MUSK: variants seen among roughly 807,000 people sequenced by gnomAD.
MUSK encodes muscle, skeletal receptor tyrosine-protein kinase.
In MUSK, 55 loss-of-function variants were observed where a neutral mutation model predicts 88.7. That is an observed-to-expected ratio of 0.62 (90% confidence interval 0.50 to 0.78). The LOEUF is 0.78. MUSK is among the 30% of genes least tolerant of loss of function. The pLI is 0.00. For synonymous variants in MUSK, 387 were observed against 391.9 expected (o/e 0.99, Z 0.15); for missense variants, 1,015 against 1,074.3 (o/e 0.94, Z 0.77).
chr9:110,709,723 CA>C (rs1214268740), intron 5 of MUSK, among the ~76,000 whole-genome samples: 1 of 152,106 alleles, frequency 6.6e-6, no homozygotes, highest in Admixed American at 6.5e-5. Context: ...AGTCCAATGG[CA>C]AAAACTAAAT....
At chr9:110,788,446 A>G (rs989437366) in intron 14 of MUSK, among the ~76,000 whole-genome samples, 1 of 152,096 alleles carries the variant, frequency 6.6e-6, no homozygotes, top group Non-Finnish European at 1.5e-5. Flanking sequence ...AGCCTGGCGA[A>G]CAAGGTGAAA....
chr9:110,760,000 C>T (rs940266794), intron 7 of MUSK, among the ~76,000 whole-genome samples: 3 of 152,112 alleles, frequency 2.0e-5, no homozygotes, highest in African/African-American at 4.8e-5. Context: ...CACACCACTG[C>T]ACTCCCTCCT....
At chr9:110,732,877 A>G (rs1026950728) in intron 5 of MUSK, among the ~76,000 whole-genome samples, 2 of 152,106 alleles carry the variant, frequency 1.3e-5, no homozygotes, top group African/African-American at 4.8e-5. Flanking sequence ...AATCTGCAAA[A>G]AGCCCCCAAT....
At chr9:110,749,415 T>C (rs2077219727) in intron 7 of MUSK, among the ~76,000 whole-genome samples, 1 of 152,150 alleles carries the variant, frequency 6.6e-6, no homozygotes, top group Admixed American at 6.5e-5. Flanking sequence ...CTTTCAAACC[T>C]GTTCAAAAAA....
intron 2 of MUSK, 60 bp downstream of exon 2, chr9:110,682,860 T>A: frequency 3.4e-6 from 4 of 1,185,748 alleles, no homozygotes; most frequent in Non-Finnish European, 4.7e-6. Context: ...GGTGTATATA[T>A]ATGTATATAT....
chr9:110,771,915 T>C (rs1044889889), intron 9 of MUSK, among the ~76,000 whole-genome samples: 1 of 152,106 alleles, frequency 6.6e-6, no homozygotes, highest in African/African-American at 2.4e-5. Flanking sequence ...CATAAATCAT[T>C]AATCCTTGCC....
intron 5 of MUSK, among the ~76,000 whole-genome samples, chr9:110,732,218 G>T (rs2076974256): frequency 2.6e-5 from 4 of 151,902 alleles, no homozygotes; most frequent in Admixed American, 2.6e-4. Context: ...CGGGCAGTGG[G>T]ATCCATAGAT....
chr9:110,740,694 C>A (rs969385827), intron 6 of MUSK, among the ~76,000 whole-genome samples: 8 of 152,090 alleles, frequency 5.3e-5, no homozygotes, highest in Non-Finnish European at 8.8e-5. Context: ...AGAATGGTAA[C>A]CCTGAGGCAT....
At chr9:110,697,277 T>G in intron 4 of MUSK, 48 bp from the exon 5 acceptor site, 1 of 1,601,108 alleles carries the variant, frequency 6.2e-7, no homozygotes, top group South Asian at 1.1e-5. Flanking sequence ...AAATGTATCC[T>G]TGATAGACCC....
intron 1 of MUSK, among the ~76,000 whole-genome samples, chr9:110,674,429 G>T (rs959620665): frequency 6.6e-6 from 1 of 152,054 alleles, no homozygotes; most frequent in Non-Finnish European, 1.5e-5. Context: ...TTACCAAGTG[G>T]CTCTTGCAAA....
At position 110,781,490 on chromosome 9, in the gene MUSK, A is replaced by G. The variant is rs565537531; in HGVS notation, c.1385-3325A>G. Among the ~76,000 whole-genome samples, 7 of 152,174 alleles carry G rather than the reference A, an allele frequency of 4.6e-5. No homozygotes were observed. The South Asian group carries it at 6.2e-4, about 14-fold the overall frequency. ...ATGGGGATTCACCGTGTTAGCCAGG[A>G]TGGTCTCGATCTCCTGACCTCGTGA... is the stretch of plus-strand genomic sequence containing the variant. On this transcript the variant is annotated intron_variant, in intron 11 of 14. Transcript: ENST00000374448.
chr9:110,751,948 T>A (rs947253310), intron 7 of MUSK, among the ~76,000 whole-genome samples: 1 of 152,166 alleles, frequency 6.6e-6, no homozygotes, highest in Non-Finnish European at 1.5e-5. Context: ...AGAGTGGATA[T>A]GATAAATGAG....
At chr9:110,728,450 T>A (rs2076917623) in intron 5 of MUSK, among the ~76,000 whole-genome samples, 1 of 152,146 alleles carries the variant, frequency 6.6e-6, no homozygotes, top group Non-Finnish European at 1.5e-5. Context: ...TTCTGTATAA[T>A]ACTGCCTGGC....
intron 3 of MUSK, among the ~76,000 whole-genome samples, chr9:110,689,150 T>G (rs1338982695): frequency 4.8e-5 from 6 of 126,134 alleles, no homozygotes; most frequent in African/African-American, 1.9e-4. Flanking sequence ...ACTATATATT[T>G]ATATAAAATA....
intron 14 of MUSK, among the ~76,000 whole-genome samples, chr9:110,797,296 A>G (rs13293075): frequency 2.0e-5 from 3 of 152,012 alleles, no homozygotes; most frequent in African/African-American, 7.2e-5. Context: ...AACAAACAAA[A>G]AAAAAGTTTC....
Position 110,697,460 on chromosome 9 carries a change from G to T in MUSK, c.622G>T (p.Val208Phe), listed in dbSNP as rs764387006. 9 of 1,609,102 alleles carry T rather than the reference G, an allele frequency of 5.6e-6. No individual in the cohort carries two copies. Among genetic ancestry groups the T allele is most frequent in the Non-Finnish European group, 6.8e-6 (8 of 1,177,200 alleles). Residue 208 changes from valine (V) to phenylalanine (F), a missense_variant, in exon 5 of 15, where the codon GTT becomes TTT. By Grantham distance (50) the Val-to-Phe change is conservative. Coordinates refer to ENST00000374448, the MANE Select transcript of MUSK (RefSeq NM_005592.4). ...ATATTCCAAAGTGGTGAAGCTGGAA[G>T]TTGAGGGTAAGGAGCTGCATTTCTT... ...TAYSKVVKLE[V>F]EVFARILRAP...
At chr9:110,691,057 G>T (rs999015992) in intron 3 of MUSK, among the ~76,000 whole-genome samples, 2 of 151,430 alleles carry the variant, frequency 1.3e-5, no homozygotes, top group African/African-American at 4.9e-5. Context: ...TAGAGTCAGA[G>T]TTTCGCCAAG....
intron 1 of MUSK, among the ~76,000 whole-genome samples, chr9:110,671,825 A>G (rs1199851821): frequency 6.6e-6 from 1 of 152,248 alleles, no homozygotes; most frequent in Non-Finnish European, 1.5e-5. Context: ...CTGCAGGAGC[A>G]TAAGAGTTCA....
chr9:110,755,957 TATATATACATATATATATATAC>T (rs1464196093), intron 7 of MUSK, among the ~76,000 whole-genome samples: 4 of 74,076 alleles, frequency 5.4e-5, no homozygotes, highest in South Asian at 4.7e-4. Context: ...TATACACATA[TATATATACATATATATATATAC>T]ATATATATAT....
Sources: allele counts gnomAD v4.1 joint callset (sites outside exome capture counted in the v4.1 genomes callset), GRCh38; gene constraint gnomAD v4.1.1; transcripts MANE v1.5; gene names NCBI Gene and HGNC (gene_info 2026-07-23, HGNC 2026-07-21).